Variants in RPP30 observed in about 807,000 individuals in gnomAD.
RPP30 encodes the protein ribonuclease P protein subunit p30.
Under a neutral mutation model 38.6 loss-of-function variants are expected in RPP30, and 36 were observed. That is an observed-to-expected ratio of 0.93 (90% CI 0.71 to 1.23). The LOEUF is 1.23. Ranked by LOEUF, RPP30 falls within the 50% of genes most tolerant of loss-of-function variation. The probability of loss-of-function intolerance (pLI) is 0.00; values close to 1 mark genes in which losing one functional copy is unlikely to be tolerated. For missense variants in RPP30, 321 were observed against 321.7 expected (o/e 1.00, Z 0.02); for synonymous variants, 126 against 112.7 (o/e 1.12, Z -0.75).
In RPP30 at chr10:90,894,830, C is replaced by T. The variant is rs1393864852; in HGVS notation, c.488C>T (p.Ser163Phe). The T allele has an allele frequency of 1.9e-6, 3 of 1,613,368 alleles. No homozygotes were observed. Among genetic ancestry groups the T allele is most frequent in the Admixed American group, 3.3e-5 (2 of 59,970 alleles). Reference sequence around the variant, plus strand: ...GTCTATAGCCCTGCTATCAAAGACTCCACAATGAGAAGGTATACAATTTCC... The same window carrying T: ...GTCTATAGCCCTGCTATCAAAGACTTCACAATGAGAAGGTATACAATTTCC... ...ELVYSPAIKD[S>F]TMRRYTISSA... Residue 163 changes from serine to phenylalanine, a missense_variant, in exon 7 of 11, where the codon TCC becomes TTC. Physicochemically the swap from Ser to Phe is radical, Grantham distance 155. Transcript: ENST00000371703.
At chr10:90,892,926 T>C (rs1226781515) in intron 6 of RPP30, among the ~76,000 whole-genome samples, 1 of 152,204 alleles carries the variant, frequency 6.6e-6, no homozygotes, top group Non-Finnish European at 1.5e-5. Flanking sequence ...ACACCTTTTA[T>C]GTAAAAGGCA....
chr10:90,897,968 T>C (rs1008006556), intron 10 of RPP30, among the ~76,000 whole-genome samples: 2 of 152,226 alleles, frequency 1.3e-5, no homozygotes, highest in African/African-American at 4.8e-5. Context: ...TTTTTAAATA[T>C]ACAATTAAAT....
intron 10 of RPP30, among the ~76,000 whole-genome samples, chr10:90,898,835 G>C (rs547565778): frequency 6.6e-6 from 1 of 152,178 alleles, no homozygotes; most frequent in Non-Finnish European, 1.5e-5. Context: ...GAGGCCCAAG[G>C]TCAGGGTCTT....
intron 10 of RPP30, among the ~76,000 whole-genome samples, 166 bp downstream of exon 10, chr10:90,896,558 T>G (rs894100902): frequency 6.6e-6 from 1 of 152,238 alleles, no homozygotes; most frequent in African/African-American, 2.4e-5. Flanking sequence ...CACTTCAGGC[T>G]TTACTTTCTA....
intron 6 of RPP30, among the ~76,000 whole-genome samples, chr10:90,889,339 C>T (rs547605677): frequency 5.3e-5 from 7 of 132,208 alleles, no homozygotes; most frequent in South Asian, 2.5e-4. Context: ...GACAGAGTCT[C>T]GCTCTGTCCA....
At chr10:90,884,065 A>G (rs994393175) in intron 5 of RPP30, among the ~76,000 whole-genome samples, 1 of 152,082 alleles carries the variant, frequency 6.6e-6, no homozygotes, top group Non-Finnish European at 1.5e-5. Context: ...TCCTTTAATG[A>G]GTTGGCATAT....
chr10:90,903,669 G>C (rs540955437), downstream of RPP30, among the ~76,000 whole-genome samples: 11 of 152,270 alleles, frequency 7.2e-5, no homozygotes, highest in Admixed American at 3.9e-4. Context: ...ATTTACTTTC[G>C]TTAGAATGAA....
chr10:90,896,169 A>G (rs919278950), intron 9 of RPP30, 144 bp from the exon 10 acceptor site: 2 of 703,598 alleles, frequency 2.8e-6, no homozygotes, highest in Admixed American at 5.2e-5. Context: ...CTTTTCTCAG[A>G]TGCATGTTCC....
At chr10:90,891,698 A>G (rs992103088) in intron 6 of RPP30, among the ~76,000 whole-genome samples, 1 of 152,224 alleles carries the variant, frequency 6.6e-6, no homozygotes, top group African/African-American at 2.4e-5. Context: ...CAGGACAACA[A>G]TGCAGCAGAC....
chr10:90,894,897 G>A lies in RPP30; in HGVS notation c.549+6G>A. On this transcript the variant is annotated splice_donor_region_variant and intron_variant, in intron 7 of 10. Coordinates refer to ENST00000371703, the MANE Select transcript of RPP30 (RefSeq NM_006413.5). Reference sequence around the variant, plus strand: ...TGCAAATCTGCAAAGGAAAGGTATGGTTCTATAATTTTAGGATGTTTTTCG... The same window carrying A: ...TGCAAATCTGCAAAGGAAAGGTATGATTCTATAATTTTAGGATGTTTTTCG... 1 of 1,575,410 alleles carries A rather than the reference G, an allele frequency of 6.3e-7. No individual in the cohort carries two copies. Among genetic ancestry groups the A allele is most frequent in the Non-Finnish European group, 8.7e-7 (1 of 1,145,098 alleles).
chr10:90,878,265 C>T (rs1846877402), intron 4 of RPP30, among the ~76,000 whole-genome samples: 1 of 152,170 alleles, frequency 6.6e-6, no homozygotes, highest in South Asian at 2.1e-4. Context: ...CCTGCTCAAG[C>T]ACAGCACCTG....
intron 10 of RPP30, among the ~76,000 whole-genome samples, chr10:90,899,298 T>C (rs1847176041): frequency 6.6e-6 from 1 of 152,220 alleles, no homozygotes; most frequent in Admixed American, 6.5e-5. Context: ...TTTATCCCTT[T>C]TACAAATAAA....
chr10:90,881,446 A>G (rs917664108), intron 5 of RPP30, among the ~76,000 whole-genome samples: 21 of 152,312 alleles, frequency 1.4e-4, no homozygotes, highest in Non-Finnish European at 2.1e-4. Flanking sequence ...AATTTGGTGA[A>G]CACATGCTTG....
chr10:90,905,930 T>A (rs779132625), downstream of RPP30: 4 of 152,182 alleles, frequency 2.6e-5, no homozygotes, highest in Non-Finnish European at 5.9e-5. Context: ...AATAACAGGA[T>A]TAAATAATTC....
intron 10 of RPP30, among the ~76,000 whole-genome samples, chr10:90,899,857 T>C (rs1000305816): frequency 6.6e-6 from 1 of 152,220 alleles, no homozygotes; most frequent in Non-Finnish European, 1.5e-5. Context: ...GCACTGTCTG[T>C]TAGGAATCTT....
intron 5 of RPP30, among the ~76,000 whole-genome samples, chr10:90,881,915 C>T (rs1157411276): frequency 3.3e-5 from 5 of 152,056 alleles, no homozygotes; most frequent in Non-Finnish European, 7.4e-5. Context: ...AGTATAAAAT[C>T]GAACCATCTT....
At chr10:90,894,630 T>C in intron 6 of RPP30, 145 bp from the exon 7 acceptor site, 2 of 665,236 alleles carry the variant, frequency 3.0e-6, no homozygotes, top group Non-Finnish European at 5.4e-6. Flanking sequence ...GCCATTTGAG[T>C]GTTGATCTGT....
At position 90,896,315 on chromosome 10, in the gene RPP30, G is replaced by C. The variant is rs145322778; in HGVS notation, c.620G>C (p.Gly207Ala). 2.0e-5 allele frequency: 33 copies of C among 1,613,830 alleles called. No homozygotes were observed. The highest frequency in any genetic ancestry group is 2.8e-5 in the Non-Finnish European group (33 of 1,179,830). The change falls in exon 10 of 11, where the codon GGC becomes GCC. Residue 207 changes from glycine (G) to alanine (A), a missense_variant and splice_region_variant. Coordinates refer to ENST00000371703, the MANE Select transcript of RPP30 (RefSeq NM_006413.5). ...IRGPYDVANL[G>A]LLFGLSESDA... ...GAAATCTTTAATGCTCCCCCAAGAG[G>C]CTTGCTGTTTGGGCTCTCTGAAAGT...
downstream of RPP30, chr10:90,903,115 A>C: frequency 3.9e-6 from 3 of 775,028 alleles, no homozygotes; most frequent in Non-Finnish European, 6.9e-6. Flanking sequence ...GAGAAGGATA[A>C]CAAATTTGGG....
Sources: gnomAD v4.1 joint callset for allele counts (sites outside exome capture counted in the v4.1 genomes callset) on GRCh38, gnomAD v4.1.1 for gene constraint, MANE v1.5 for transcripts, NCBI Gene and HGNC (gene_info 2026-07-23, HGNC 2026-07-21) for gene names.